The following DCDC2 variants were observed in gnomAD, a reference collection of about 807,000 sequenced individuals.
DCDC2 encodes doublecortin domain containing 2, also known as doublecortin domain-containing protein 2.
A neutral mutation model predicts 50.2 loss-of-function variants in DCDC2; 40 were observed. That is an observed-to-expected ratio of 0.80 (90% CI 0.62 to 1.04). DCDC2 has a LOEUF of 1.04. DCDC2 is among the 50% of genes least tolerant of loss of function. The pLI is 0.00. For missense variants in DCDC2, 570 were observed against 581.9 expected (o/e 0.98, Z 0.21); for synonymous variants, 234 against 210.6 (o/e 1.11, Z -0.96).
chr6:24,283,371 G>C (rs1763519096), intron 6 of DCDC2, among the ~76,000 whole-genome samples: 1 of 151,824 alleles, frequency 6.6e-6, no homozygotes, highest in Non-Finnish European at 1.5e-5. Flanking sequence ...CATTCCCCAG[G>C]CTCCCTGACC....
intron 2 of DCDC2, among the ~76,000 whole-genome samples, chr6:24,339,054 A>G (rs1257626582): frequency 6.6e-6 from 1 of 151,988 alleles, no homozygotes; most frequent in African/African-American, 2.4e-5. Flanking sequence ...CCAACCTTCT[A>G]TCCCAACCTC....
At chr6:24,205,825 G>T (rs1220624225) in intron 7 of DCDC2, among the ~76,000 whole-genome samples, 1 of 152,130 alleles carries the variant, frequency 6.6e-6, no homozygotes, top group East Asian at 1.9e-4. Flanking sequence ...TTCAGGCCAA[G>T]TAATCAAAGA....
intron 7 of DCDC2, among the ~76,000 whole-genome samples, chr6:24,265,954 GA>G (rs746826047): frequency 6.7e-4 from 100 of 148,588 alleles, no homozygotes; most frequent in Middle Eastern, 3.5e-3. Context: ...ATAAATAGTG[GA>G]AAAAAAAATA....
chr6:24,275,161 G>C (rs900756975), intron 7 of DCDC2, among the ~76,000 whole-genome samples: 1 of 151,942 alleles, frequency 6.6e-6, no homozygotes, highest in Non-Finnish European at 1.5e-5. Context: ...GCACGTACTT[G>C]GTTCTAATTA....
At chr6:24,343,957 T>C (rs1388241233) in intron 2 of DCDC2, among the ~76,000 whole-genome samples, 7 of 152,238 alleles carry the variant, frequency 4.6e-5, no homozygotes, top group Non-Finnish European at 1.0e-4. Flanking sequence ...CTCACATATT[T>C]ATCACTTTTT....
intron 7 of DCDC2, among the ~76,000 whole-genome samples, chr6:24,257,375 A>C (rs1762915988): frequency 6.6e-6 from 1 of 152,146 alleles, no homozygotes; most frequent in African/African-American, 2.4e-5. Context: ...AGACAATAAT[A>C]AGCAGGAGTC....
chr6:24,301,240 G>A (rs898988034), intron 4 of DCDC2, among the ~76,000 whole-genome samples: 7 of 151,792 alleles, frequency 4.6e-5, no homozygotes, highest in Admixed American at 2.0e-4. Flanking sequence ...GCGTGGTGGT[G>A]GGCGCCTGTG....
chr6:24,374,493 T>C, the DCDC2 span, among the ~76,000 whole-genome samples: 1 of 149,698 alleles, frequency 6.7e-6, no homozygotes, highest in African/African-American at 2.5e-5. Context: ...GGCATGAGAA[T>C]TGCTTGAACC....
intron 5 of DCDC2, among the ~76,000 whole-genome samples, chr6:24,290,203 C>T (rs1274197755): frequency 6.6e-6 from 1 of 151,050 alleles, no homozygotes; most frequent in African/African-American, 2.4e-5. Flanking sequence ...CCGTTTTAGC[C>T]GGGATGGTCT....
At chr6:24,353,536 T>G (rs1418566320) in intron 2 of DCDC2, 33 bp downstream of exon 2, 2 of 1,375,802 alleles carry the variant, frequency 1.5e-6, no homozygotes, top group Non-Finnish European at 2.0e-6. Context: ...GCACCGTTAT[T>G]TATTTGAATT....
At chr6:24,350,402 C>T (rs1341072303) in intron 2 of DCDC2, among the ~76,000 whole-genome samples, 2 of 152,214 alleles carry the variant, frequency 1.3e-5, no homozygotes, top group Non-Finnish European at 2.9e-5. Flanking sequence ...CAGTGCCACA[C>T]ACTCTGCATG....
chr6:24,191,319 C>A (rs1761310071), intron 8 of DCDC2, among the ~76,000 whole-genome samples: 1 of 152,114 alleles, frequency 6.6e-6, no homozygotes, highest in Admixed American at 6.5e-5. Context: ...AATGATGAGA[C>A]CAAGTCAGAA....
At position 24,197,542 on chromosome 6, in the gene DCDC2, G is replaced by A. The variant is rs370188619; in HGVS notation, c.1023+7460C>T. Reference sequence around the variant, plus strand: ...AGACTTAAAGTTTCACTTTCCCTCAGGAAAAAATACCTATAACTGGAGTTT... The same window carrying A: ...AGACTTAAAGTTTCACTTTCCCTCAAGAAAAAATACCTATAACTGGAGTTT... On this transcript the variant is annotated intron_variant, in intron 8 of 9. Transcript: ENST00000378454. Among the ~76,000 whole-genome samples, 20 of 152,124 alleles carry A rather than the reference G, an allele frequency of 1.3e-4. No homozygotes were observed. The South Asian group carries it at 3.9e-3, about 30-fold the overall frequency.
At chr6:24,259,601 C>T (rs1664386835) in intron 7 of DCDC2, among the ~76,000 whole-genome samples, 1 of 152,096 alleles carries the variant, frequency 6.6e-6, no homozygotes, top group Non-Finnish European at 1.5e-5. Context: ...ATTGTTTTTC[C>T]AATTTGAAGG....
At chr6:24,304,707 G>C (rs955264516) in intron 2 of DCDC2, among the ~76,000 whole-genome samples, 2 of 152,164 alleles carry the variant, frequency 1.3e-5, no homozygotes, top group Admixed American at 1.3e-4. Flanking sequence ...TAAATGCGCT[G>C]ATGGCCTGCT....
intron 9 of DCDC2, among the ~76,000 whole-genome samples, chr6:24,176,073 G>A (rs951341990): frequency 2.0e-5 from 3 of 151,886 alleles, no homozygotes; most frequent in Non-Finnish European, 4.4e-5. Context: ...CAAGAGGATC[G>A]CTTGAGTCCA....
At chr6:24,241,754 T>C (rs1762566862) in intron 7 of DCDC2, among the ~76,000 whole-genome samples, 1 of 152,258 alleles carries the variant, frequency 6.6e-6, no homozygotes, top group Non-Finnish European at 1.5e-5. Context: ...AAACCTGTGA[T>C]GGTTTACTGT....
At chr6:24,192,850 A>C (rs793848) in intron 8 of DCDC2, among the ~76,000 whole-genome samples, 2,333 of 152,148 alleles carry the variant, frequency 0.015, 56 homozygotes, top group African/African-American at 0.052. Flanking sequence ...ATTATCAAAG[A>C]AACAATTTTT....
intron 6 of DCDC2, among the ~76,000 whole-genome samples, chr6:24,278,839 A>T (rs1489994606): frequency 3.9e-5 from 6 of 152,152 alleles, no homozygotes; most frequent in Admixed American, 3.9e-4. Flanking sequence ...GAAATTCTCC[A>T]ATATTAACGA....
Sources: allele counts gnomAD v4.1 joint callset (sites outside exome capture counted in the v4.1 genomes callset), GRCh38; gene constraint gnomAD v4.1.1; transcripts MANE v1.5; gene names NCBI Gene and HGNC (gene_info 2026-07-23, HGNC 2026-07-21).